ATP11C: variants seen among roughly 807,000 people sequenced by gnomAD.
The protein encoded by ATP11C is ATPase phospholipid transporting 11C (ATP11C blood group).
ATP11C carries 36 observed loss-of-function variants against 97.4 expected under a neutral mutation model. That is an observed-to-expected ratio of 0.37 (90% CI 0.28 to 0.49). ATP11C has a LOEUF of 0.49. Among genes scored for constraint, ATP11C ranks in the 20% least tolerant of loss-of-function variants. The pLI, the probability that ATP11C is intolerant of heterozygous loss-of-function variation, is 0.98. For missense variants in ATP11C, 730 were observed against 824.6 expected (o/e 0.89, Z 1.40); for synonymous variants, 275 against 290.9 (o/e 0.95, Z 0.56).
At chrX:139,744,121 A>G (rs894368663) in intron 25 of ATP11C, among the ~76,000 whole-genome samples, 2 of 111,987 alleles carry the variant, frequency 1.8e-5, no homozygotes, top group African/African-American at 6.5e-5. Context: ...ACATCAAAAA[A>G]AAAAGCAGAT....
chrX:139,813,768 G>A (rs2083226599), intron 5 of ATP11C, among the ~76,000 whole-genome samples: 1 of 111,588 alleles, frequency 9.0e-6, no homozygotes, highest in African/African-American at 3.3e-5. Flanking sequence ...AATAAGGAAT[G>A]AACAGGAAGA....
rs748580296 is a variant in ATP11C, at chrX:139,763,278, T to C, written c.2494+38A>G. 6 of 1,063,796 alleles carry C rather than the reference T, an allele frequency of 5.6e-6. No homozygotes were observed. In the South Asian group the frequency reaches 1.1e-4, roughly 20 times the overall value. 87.7% of individuals were successfully genotyped at this position (1,063,796 alleles called of 1,213,427 possible). A position where few individuals can be genotyped will look rare whatever the true frequency, so the allele number is the denominator to read the frequency against. On this transcript the variant is annotated intron_variant, in intron 21 of 29. Transcript: ENST00000682941. ...CCACACTACCTAAAAGCAATACTGATACTTTTCACAGCTGCCATCTCATTA... is the reference window on the plus strand; with the variant it reads ...CCACACTACCTAAAAGCAATACTGACACTTTTCACAGCTGCCATCTCATTA...
At chrX:139,840,863 T>G (rs1222808366) in intron 1 of ATP11C, among the ~76,000 whole-genome samples, 1 of 108,570 alleles carries the variant, frequency 9.2e-6, no homozygotes, top group East Asian at 2.9e-4. Flanking sequence ...AAAAAAAGAC[T>G]GAAGGGTGGG....
In ATP11C at chrX:139,862,362, G is replaced by A. The variant is rs183720637; in HGVS notation, c.28-35539C>T. ...TGGGAACCTCAACTTGAAGCTCCTC[G>A]GTCAGAAGTTGCAGAGGCCCAGACT... On this transcript the variant is annotated intron_variant, in intron 1 of 29. Coordinates refer to ENST00000682941, the MANE Select transcript of ATP11C (RefSeq NM_001353812.2). 2.5e-4 allele frequency among the ~76,000 whole-genome samples: 28 copies of A among 111,650 alleles called. No individual in the cohort carries two copies. In the East Asian group the frequency reaches 6.3e-3, roughly 25 times the overall value.
In ATP11C at chrX:139,861,689, T is replaced by A. The variant is rs1334152558; in HGVS notation, c.28-34866A>T. On this transcript the variant is annotated intron_variant, in intron 1 of 29. Coordinates refer to ENST00000682941, the MANE Select transcript of ATP11C (RefSeq NM_001353812.2). ...ATCTCAATGGACTGACTCTCAAGCC[T>A]GCATACCTAACACAGTATTACACTG... Among the ~76,000 whole-genome samples the A allele has an allele frequency of 2.7e-5, 3 of 110,436 alleles. No homozygotes were observed. In the Admixed American group the frequency reaches 2.9e-4, roughly 11 times the overall value.
At chrX:139,810,871 T>G (rs1163655409) in intron 5 of ATP11C, among the ~76,000 whole-genome samples, 3 of 110,059 alleles carry the variant, frequency 2.7e-5, no homozygotes, top group African/African-American at 6.6e-5. Flanking sequence ...TTCAGAGTTT[T>G]TTTTTTTTTT....
At chrX:139,799,992 G>C (rs1268015405) in intron 8 of ATP11C, 68 bp downstream of exon 8, 1 of 871,130 alleles carries the variant, frequency 1.1e-6, no homozygotes, top group East Asian at 3.5e-5. Flanking sequence ...GGCTATTTTA[G>C]TTGATTTAAC....
intron 1 of ATP11C, among the ~76,000 whole-genome samples, chrX:139,907,604 C>T (rs1444151485): frequency 9.1e-6 from 1 of 109,783 alleles, no homozygotes; most frequent in African/African-American, 3.3e-5. Flanking sequence ...AAAAATTAGC[C>T]GGGCATGGTG....
intron 1 of ATP11C, among the ~76,000 whole-genome samples, chrX:139,922,966 A>G (rs1348090511): frequency 9.0e-6 from 1 of 110,570 alleles, no homozygotes; most frequent in African/African-American, 3.3e-5. Flanking sequence ...TTTTGTTTTT[A>G]GTAGAGATGG....
chrX:139,912,922 CT>C (rs1407517763), intron 1 of ATP11C, among the ~76,000 whole-genome samples: 1 of 111,900 alleles, frequency 8.9e-6, no homozygotes, highest in Non-Finnish European at 1.9e-5. Flanking sequence ...TTAAAATAGA[CT>C]TTATTTACAG....
chrX:139,726,604 G>A lies in ATP11C; in HGVS notation c.*2362C>T, dbSNP rs749938079. ...AAAAATTCCATCACTAAATTATTAC[G>A]AATTTTGCAAAGTTAGGCTTACATT... On this transcript the variant is annotated 3_prime_UTR_variant, in exon 30 of 30. Transcript: ENST00000682941. The A allele has an allele frequency of 6.9e-4, 77 of 112,323 alleles. No individual in the cohort carries two copies. The highest frequency in any genetic ancestry group is 8.4e-3 in the Middle Eastern group (2 of 237). 9.3% of individuals were successfully genotyped at this position (112,323 alleles called of 1,213,427 possible).
At chrX:139,735,698 T>A (rs2081428432) in intron 28 of ATP11C, among the ~76,000 whole-genome samples, 1 of 110,771 alleles carries the variant, frequency 9.0e-6, no homozygotes, top group Admixed American at 9.6e-5. Context: ...TTTATCAGAA[T>A]AGCCATGGCT....
chrX:139,739,820 G>A (rs1267818355), intron 27 of ATP11C, among the ~76,000 whole-genome samples: 1 of 111,084 alleles, frequency 9.0e-6, no homozygotes, highest in Non-Finnish European at 1.9e-5. Context: ...AATTGTATAT[G>A]GTATGTTCTT....
chrX:139,867,603 C>T (rs933742099), intron 1 of ATP11C, among the ~76,000 whole-genome samples: 8 of 111,765 alleles, frequency 7.2e-5, no homozygotes, highest in African/African-American at 2.6e-4. Context: ...AAAAGAGTGC[C>T]TAAGCCCAAA....
chrX:139,828,080 GCTGTATATAACTCTGGAAAGCTACT>G (rs2147885689), intron 1 of ATP11C, among the ~76,000 whole-genome samples: 1 of 111,598 alleles, frequency 9.0e-6, no homozygotes, highest in Admixed American at 9.6e-5. Flanking sequence ...AGAGATTCAG[GCTGTATATAACTCTGGAAAGCTACT>G]CTGGCATGTG....
intron 1 of ATP11C, among the ~76,000 whole-genome samples, chrX:139,895,140 ATG>A (rs1324448267): frequency 8.8e-6 from 1 of 113,078 alleles, no homozygotes; most frequent in Non-Finnish European, 1.9e-5. Context: ...GAGGAAAATA[ATG>A]TAAACCTAAA....
In ATP11C at chrX:139,820,466, T is replaced by C. The variant is rs960951546; in HGVS notation, c.148-1039A>G. Reference sequence around the variant, plus strand: ...TTGGAGGAATGAATGAACACATTAATTTCTGGCTCAGCTAACCTCTGGAGT... The same window carrying C: ...TTGGAGGAATGAATGAACACATTAACTTCTGGCTCAGCTAACCTCTGGAGT... On this transcript the variant is annotated intron_variant, in intron 2 of 29. Coordinates refer to ENST00000682941, the MANE Select transcript of ATP11C (RefSeq NM_001353812.2). Among the ~76,000 whole-genome samples the C allele has an allele frequency of 4.5e-5, 5 of 110,996 alleles. No individual in the cohort carries two copies. The South Asian group carries it at 1.9e-3, about 43-fold the overall frequency.
At chrX:139,918,200 G>A (rs1299819160) in intron 1 of ATP11C, among the ~76,000 whole-genome samples, 2 of 111,741 alleles carry the variant, frequency 1.8e-5, no homozygotes, top group East Asian at 5.6e-4. Context: ...GCACACTGAT[G>A]TTCATAGCAG....
At chrX:139,907,974 G>A (rs895810253) in intron 1 of ATP11C, among the ~76,000 whole-genome samples, 3 of 110,918 alleles carry the variant, frequency 2.7e-5, no homozygotes, top group Non-Finnish European at 5.7e-5. Context: ...AAGTAGAACA[G>A]TGTCTGGCAT....
Sources: gnomAD v4.1 joint callset for allele counts (sites outside exome capture counted in the v4.1 genomes callset) on GRCh38, gnomAD v4.1.1 for gene constraint, MANE v1.5 for transcripts, NCBI Gene and HGNC (gene_info 2026-07-23, HGNC 2026-07-21) for gene names.